PLPPR1: variants seen among roughly 807,000 people sequenced by gnomAD.
PLPPR1 encodes phospholipid phosphatase related 1.
A neutral mutation model predicts 33.1 loss-of-function variants in PLPPR1; 10 were observed. That is an observed-to-expected ratio of 0.30 (90% confidence interval 0.19 to 0.51). The LOEUF (loss-of-function observed/expected upper bound fraction) is 0.51. Among genes scored for constraint, PLPPR1 ranks in the 20% least tolerant of loss-of-function variants. The pLI, the probability that PLPPR1 is intolerant of heterozygous loss-of-function variation, is 0.97. For synonymous variants in PLPPR1, 151 were observed against 151.0 expected, an observed-to-expected ratio of 1.00 and a Z score of 0.00; for missense variants, 304 against 408.1, an observed-to-expected ratio of 0.74 and a Z score of 2.20.
rs146486192 is a variant in PLPPR1, at chr9:101,112,710, C to T, written c.-45-72740C>T. Among the ~76,000 whole-genome samples the T allele has an allele frequency of 5.6e-3, 858 of 152,306 alleles. 8 individuals are homozygous for T. The highest frequency in any genetic ancestry group is 8.8e-3 in the Non-Finnish European group (598 of 68,034). On this transcript the variant is annotated intron_variant, in intron 1 of 7. Coordinates refer to ENST00000374874, the MANE Select transcript of PLPPR1 (RefSeq NM_207299.2). ...GGGAATGAGGAATGCTGAGAGTGCA[C>T]CTTTCATTCCTCCAAATTGATATAG... is the stretch of plus-strand genomic sequence containing the variant.
chr9:101,069,495 C>A (rs1000750710), intron 1 of PLPPR1, among the ~76,000 whole-genome samples: 3 of 152,034 alleles, frequency 2.0e-5, no homozygotes, highest in South Asian at 4.1e-4. Context: ...CCCAGTGATA[C>A]GTTTCTGAGT....
Position 101,182,211 on chromosome 9 carries a change from A to G in PLPPR1, c.-45-3239A>G, listed in dbSNP as rs1471441319. Among the ~76,000 whole-genome samples the G allele has an allele frequency of 2.0e-5, 3 of 151,642 alleles. No individual in the cohort carries two copies. The East Asian group carries it at 5.8e-4, about 29-fold the overall frequency. On this transcript the variant is annotated intron_variant, in intron 1 of 7. Coordinates refer to ENST00000374874, the MANE Select transcript of PLPPR1 (RefSeq NM_207299.2). The stretch of plus-strand genomic sequence containing the variant: ...AAAAGTTGAAATCATAGAAATAGTG[A>G]GTAGAATGATGGTTACCAGTGGCTG...
chr9:101,238,233 T>A (rs1827364528), intron 2 of PLPPR1, among the ~76,000 whole-genome samples: 1 of 136,876 alleles, frequency 7.3e-6, no homozygotes, highest in Admixed American at 7.2e-5. Flanking sequence ...CACCTCTCTA[T>A]ATATACCTAT....
intron 2 of PLPPR1, among the ~76,000 whole-genome samples, chr9:101,261,113 A>C (rs1323950440): frequency 6.6e-6 from 1 of 152,188 alleles, no homozygotes; most frequent in Non-Finnish European, 1.5e-5. Context: ...CAGTGTAAAA[A>C]GAACAGTTAA....
chr9:101,318,587 C>T (rs1241930999), intron 7 of PLPPR1, among the ~76,000 whole-genome samples: 1 of 152,072 alleles, frequency 6.6e-6, no homozygotes, highest in African/African-American at 2.4e-5. Flanking sequence ...GACTGGGCAA[C>T]ATGGCAAAAC....
intron 1 of PLPPR1, among the ~76,000 whole-genome samples, chr9:101,177,355 CT>C (rs2118700853): frequency 6.6e-6 from 1 of 152,154 alleles, no homozygotes; most frequent in Non-Finnish European, 1.5e-5. Flanking sequence ...GTATTGTATT[CT>C]TTTTCAATGC....
chr9:101,113,191 T>G (rs1354721169), intron 1 of PLPPR1, among the ~76,000 whole-genome samples: 3 of 148,936 alleles, frequency 2.0e-5, no homozygotes, highest in Non-Finnish European at 4.5e-5. Context: ...TGCTTAATTC[T>G]TAAGCATATT....
intron 1 of PLPPR1, among the ~76,000 whole-genome samples, chr9:101,158,064 G>A (rs1302643871): frequency 6.6e-6 from 1 of 152,032 alleles, no homozygotes; most frequent in East Asian, 1.9e-4. Context: ...AAGGAAGATG[G>A]TTTCTACAGT....
chr9:101,044,539 T>C (rs1830122144), intron 1 of PLPPR1, among the ~76,000 whole-genome samples: 1 of 152,190 alleles, frequency 6.6e-6, no homozygotes, highest in African/African-American at 2.4e-5. Context: ...TCAAAGAGAA[T>C]TGTTTTGAGA....
At chr9:101,233,544 G>A (rs965345975) in intron 2 of PLPPR1, among the ~76,000 whole-genome samples, 26 of 152,032 alleles carry the variant, frequency 1.7e-4, no homozygotes, top group African/African-American at 5.8e-4. Flanking sequence ...GTATTAAGAC[G>A]TAGGACTTTT....
At chr9:101,261,318 A>G (rs552299415) in intron 2 of PLPPR1, among the ~76,000 whole-genome samples, 4 of 152,272 alleles carry the variant, frequency 2.6e-5, no homozygotes, top group Non-Finnish European at 5.9e-5. Context: ...TCCAAAGACC[A>G]TGGCTATTTT....
chr9:101,154,270 G>T (rs540830586), intron 1 of PLPPR1, among the ~76,000 whole-genome samples: 42 of 152,162 alleles, frequency 2.8e-4, no homozygotes, highest in Non-Finnish European at 5.3e-4. Context: ...GATTGGAATA[G>T]TTTCAGAAGG....
intron 2 of PLPPR1, among the ~76,000 whole-genome samples, chr9:101,226,386 A>C (rs1360644971): frequency 2.0e-5 from 3 of 152,116 alleles, no homozygotes; most frequent in Non-Finnish European, 4.4e-5. Context: ...ACTGAAAGTC[A>C]CTGATTGTTC....
intron 1 of PLPPR1, among the ~76,000 whole-genome samples, chr9:101,064,290 A>G (rs1453148185): frequency 6.6e-6 from 1 of 152,120 alleles, no homozygotes; most frequent in African/African-American, 2.4e-5. Context: ...TGGGGCAAGA[A>G]TTCAGAAAGT....
intron 1 of PLPPR1, among the ~76,000 whole-genome samples, chr9:101,172,148 G>C (rs1825951644): frequency 6.6e-6 from 1 of 152,008 alleles, no homozygotes; most frequent in South Asian, 2.1e-4. Context: ...GTTAAATGTT[G>C]TGGAACTCAT....
intron 2 of PLPPR1, among the ~76,000 whole-genome samples, chr9:101,265,160 T>C (rs2118886457): frequency 6.6e-6 from 1 of 152,342 alleles, no homozygotes; most frequent in East Asian, 1.9e-4. Context: ...GCAAAGGGCC[T>C]TGGTAGAAAC....
At chr9:101,101,737 C>CT (rs139434661) in intron 1 of PLPPR1, among the ~76,000 whole-genome samples, 2,691 of 151,972 alleles carry the variant, frequency 0.018, 50 homozygotes, top group African/African-American at 0.045. Flanking sequence ...GAGGGCAAAT[C>CT]TTTTTTTTCT....
chr9:101,204,326 T>A (rs1826550212), intron 2 of PLPPR1, among the ~76,000 whole-genome samples: 1 of 152,112 alleles, frequency 6.6e-6, no homozygotes, highest in Admixed American at 6.6e-5. Flanking sequence ...AGTTTCAAGA[T>A]AAGCATGAAA....
chr9:101,194,927 C>G (rs944326417), intron 2 of PLPPR1, among the ~76,000 whole-genome samples: 1 of 152,182 alleles, frequency 6.6e-6, no homozygotes, highest in African/African-American at 2.4e-5. Context: ...AAAATAGTCT[C>G]TGCTAAAACT....
Sources: allele counts gnomAD v4.1 joint callset (sites outside exome capture counted in the v4.1 genomes callset), GRCh38; gene constraint gnomAD v4.1.1; transcripts MANE v1.5; gene names NCBI Gene and HGNC (gene_info 2026-07-23, HGNC 2026-07-21).